IGF2BP3: variants seen among roughly 807,000 people sequenced by gnomAD.
IGF2BP3 encodes the protein insulin like growth factor 2 mRNA binding protein 3, also known as insulin-like growth factor 2 mRNA-binding protein 3.
Under a neutral mutation model 73.8 loss-of-function variants are expected in IGF2BP3, and 9 were observed. The ratio of observed to expected loss-of-function variants is 0.12; its 90% CI spans 0.07 to 0.21. The LOEUF is 0.21. Among genes scored for constraint, IGF2BP3 ranks in the 10% least tolerant of loss-of-function variants. IGF2BP3 has a pLI of 1.00. For missense variants in IGF2BP3, 542 were observed against 714.0 expected (o/e 0.76, Z 2.75); for synonymous variants, 258 against 256.7 (o/e 1.01, Z -0.05).
rs1788672594 is a variant in IGF2BP3, at chr7:23,469,844, C to CCCG, written c.175+91_175+92insCGG. Reference sequence around the variant, plus strand: ...GCCTCACCCCCGCTCCCCCAGCGCGCCGGGCCTGGGGCCCGCGGAGCCACC... The same window carrying CCCG: ...GCCTCACCCCCGCTCCCCCAGCGCGCCCGCGGGCCTGGGGCCCGCGGAGCCACC... On this transcript the variant is annotated intron_variant, in intron 1 of 14. Coordinates refer to ENST00000258729, the MANE Select transcript of IGF2BP3 (RefSeq NM_006547.3). The surrounding 1 kb of genome is among the most constrained non-coding windows in gnomAD (Gnocchi z 6.1). The CCCG allele has an allele frequency of 4.6e-6, 4 of 863,516 alleles. No homozygotes were observed. Among genetic ancestry groups the CCCG allele is most frequent in the Non-Finnish European group, 6.1e-6 (4 of 652,780 alleles). 53.5% of individuals were successfully genotyped at this position (863,516 alleles called of 1,614,324 possible). A position where few individuals can be genotyped will look rare whatever the true frequency, so the allele number is the denominator to read the frequency against.
In IGF2BP3 at chr7:23,470,052, C is replaced by T; in HGVS notation, c.59G>A (p.Ser20Asn). ...SENAAPSDLE[S>N]IFKDAKIPVS... ...CGGGATCTTGGCGTCCTTGAAGATA[C>T]TTTCTAGGTCCGAGGGGGCGGCGTT... is the stretch of plus-strand genomic sequence containing the variant. Residue 20 changes from serine (S) to asparagine (N), a missense_variant, in exon 1 of 15, where the codon AGT becomes AAT. Around this residue, in one of 2 missense-constraint regions of IGF2BP3, gnomAD observed 239 missense variants for 241.9 expected, o/e 0.99. Coordinates refer to ENST00000258729, the MANE Select transcript of IGF2BP3 (RefSeq NM_006547.3). 2 of 1,611,472 alleles carry T rather than the reference C, an allele frequency of 1.2e-6. No individual in the cohort carries two copies. The highest frequency in any genetic ancestry group is 1.7e-6 in the Non-Finnish European group (2 of 1,179,412).
rs1381699393 is a variant in IGF2BP3 at position 23,310,967 on chromosome 7, T to G, written c.*1395A>C. 3 of 152,160 alleles carry G rather than the reference T, an allele frequency of 2.0e-5. No homozygotes were observed. Among genetic ancestry groups the G allele is most frequent in the Non-Finnish European group, 4.4e-5 (3 of 68,032 alleles). 9.4% of individuals were successfully genotyped at this position (152,160 alleles called of 1,614,324 possible). On this transcript the variant is annotated 3_prime_UTR_variant, in exon 15 of 15. Transcript: ENST00000258729. ...GTCAAGGAGTGAGCAAATGAGTTCGTTATCAAAGGTCATATGTTTTCACAG... is the reference window on the plus strand; with the variant it reads ...GTCAAGGAGTGAGCAAATGAGTTCGGTATCAAAGGTCATATGTTTTCACAG...
chr7:23,373,510 T>C (rs1785621216), intron 3 of IGF2BP3, among the ~76,000 whole-genome samples: 2 of 151,746 alleles, frequency 1.3e-5, no homozygotes, highest in Admixed American at 6.6e-5. Context: ...AGAAGGAAAA[T>C]ATGATTCAAG....
At chr7:23,353,422 TA>T in intron 5 of IGF2BP3, among the ~76,000 whole-genome samples, 1 of 152,194 alleles carries the variant, frequency 6.6e-6, no homozygotes, top group Non-Finnish European at 1.5e-5. Context: ...TTCAGTCTTC[TA>T]TCACTGTCCT....
chr7:23,340,693 C>T (rs1784686741), intron 10 of IGF2BP3, among the ~76,000 whole-genome samples: 2 of 152,100 alleles, frequency 1.3e-5, no homozygotes, highest in African/African-American at 2.4e-5. Context: ...ATCGATAATG[C>T]AACTGAATTA....
At position 23,432,220 on chromosome 7, in the gene IGF2BP3, G is replaced by A. The variant is rs564058538; in HGVS notation, c.237-13396C>T. ...GTGCATGGATGAAAACTTGACTGACGCCATGAGTATGCACTAGAAGAGTCC... is the reference window on the plus strand; with the variant it reads ...GTGCATGGATGAAAACTTGACTGACACCATGAGTATGCACTAGAAGAGTCC... On this transcript the variant is annotated intron_variant, in intron 2 of 14. Coordinates refer to ENST00000258729, the MANE Select transcript of IGF2BP3 (RefSeq NM_006547.3). Among the ~76,000 whole-genome samples the A allele has an allele frequency of 4.6e-5, 7 of 152,222 alleles. No homozygotes were observed. In the East Asian group the frequency reaches 1.3e-3, roughly 29 times the overall value.
intron 2 of IGF2BP3, among the ~76,000 whole-genome samples, chr7:23,428,544 A>G (rs1393939802): frequency 6.7e-6 from 1 of 148,848 alleles, no homozygotes; most frequent in Non-Finnish European, 1.5e-5. Flanking sequence ...TATATATAAT[A>G]TATATTTTTA....
At chr7:23,411,189 C>G (rs1032742455) in intron 3 of IGF2BP3, among the ~76,000 whole-genome samples, 11 of 152,222 alleles carry the variant, frequency 7.2e-5, no homozygotes, top group Non-Finnish European at 1.5e-5. Flanking sequence ...ACTTCTCGCT[C>G]AGCTCATGGA....
At chr7:23,313,437 C>T in intron 13 of IGF2BP3, 85 bp downstream of exon 13, 1 of 1,467,870 alleles carries the variant, frequency 6.8e-7, no homozygotes, top group Non-Finnish European at 9.2e-7. Context: ...TATAAATTAG[C>T]CAAAATTCGG....
intron 3 of IGF2BP3, among the ~76,000 whole-genome samples, chr7:23,399,402 A>G (rs921634084): frequency 7.3e-6 from 1 of 137,398 alleles, no homozygotes; most frequent in Non-Finnish European, 1.6e-5. Flanking sequence ...TAATAAAATT[A>G]AATTAAATTA....
chr7:23,366,134 C>T lies in IGF2BP3; in HGVS notation c.286-4393G>A, dbSNP rs17148069. Reference sequence around the variant, plus strand: ...ATAAATGCTATTGGTTGTCAACTTCCGTGTAAATCTTTTTTTTTTTTTAGA... The same window carrying T: ...ATAAATGCTATTGGTTGTCAACTTCTGTGTAAATCTTTTTTTTTTTTTAGA... On this transcript the variant is annotated intron_variant, in intron 3 of 14. Coordinates refer to ENST00000258729, the MANE Select transcript of IGF2BP3 (RefSeq NM_006547.3). Among the ~76,000 whole-genome samples, 1,113 of 151,662 alleles carry T rather than the reference C, an allele frequency of 7.3e-3. 17 individuals are homozygous for T. The highest frequency in any genetic ancestry group is 0.023 in the African/African-American group (969 of 41,274).
intron 10 of IGF2BP3, among the ~76,000 whole-genome samples, chr7:23,340,345 AAC>A (rs1784677024): frequency 3.3e-5 from 5 of 152,174 alleles, no homozygotes; most frequent in Admixed American, 3.3e-4. Flanking sequence ...TAAAGGCAGA[AAC>A]ACACACGGCA....
At chr7:23,429,322 T>A (rs956806960) in intron 2 of IGF2BP3, among the ~76,000 whole-genome samples, 12 of 152,220 alleles carry the variant, frequency 7.9e-5, no homozygotes, top group African/African-American at 2.7e-4. Flanking sequence ...AAGTGCTTTA[T>A]GTTTATTTTC....
chr7:23,374,158 A>G (rs1475658495), intron 3 of IGF2BP3, among the ~76,000 whole-genome samples: 4 of 152,230 alleles, frequency 2.6e-5, no homozygotes, highest in Non-Finnish European at 5.9e-5. Flanking sequence ...GACTCAAAGA[A>G]GTACTTCTAC....
intron 3 of IGF2BP3, among the ~76,000 whole-genome samples, chr7:23,378,941 G>T (rs984875206): frequency 6.6e-6 from 1 of 151,996 alleles, no homozygotes; most frequent in African/African-American, 2.4e-5. Context: ...AGAACCAAAT[G>T]TATGAATTAT....
intron 10 of IGF2BP3, among the ~76,000 whole-genome samples, chr7:23,320,721 G>C (rs1199325714): frequency 6.6e-6 from 1 of 151,092 alleles, no homozygotes; most frequent in Non-Finnish European, 1.5e-5. Flanking sequence ...GCCAAGGTGG[G>C]TGGACTGCTT....
chr7:23,393,391 T>A (rs1264035244), intron 3 of IGF2BP3, among the ~76,000 whole-genome samples: 1 of 152,226 alleles, frequency 6.6e-6, no homozygotes, highest in Non-Finnish European at 1.5e-5. Context: ...AATACGGGCA[T>A]GTGATCTTCT....
At chr7:23,415,694 T>C (rs868148711) in intron 3 of IGF2BP3, 2 of 165,276 alleles carry the variant, frequency 1.2e-5, no homozygotes, top group African/African-American at 4.8e-5. Context: ...GGAGCTCCCA[T>C]GGCTCAGAAA....
intron 8 of IGF2BP3, among the ~76,000 whole-genome samples, chr7:23,345,395 T>C (rs1024449773): frequency 1.3e-5 from 2 of 152,212 alleles, no homozygotes; most frequent in Non-Finnish European, 2.9e-5. Flanking sequence ...TAAAAGACAT[T>C]GCAGTTTCCA....
Sources: allele counts gnomAD v4.1 joint callset (sites outside exome capture counted in the v4.1 genomes callset), GRCh38; gene constraint gnomAD v4.1.1; regional missense constraint gnomAD v4.1.1; non-coding constraint Gnocchi (gnomAD v3.1); transcripts MANE v1.5; gene names NCBI Gene and HGNC (gene_info 2026-07-23, HGNC 2026-07-21).